RSU1: variants seen among roughly 807,000 people sequenced by gnomAD.
RSU1 encodes Ras suppressor protein 1.
RSU1 carries 26 observed loss-of-function variants against 31.1 expected under a neutral mutation model. The ratio of observed to expected loss-of-function variants is 0.84; its 90% CI spans 0.61 to 1.16. The LOEUF is 1.16. Ranked by LOEUF, RSU1 falls within the 50% of genes most tolerant of loss-of-function variation. RSU1 has a pLI of 0.00. For synonymous variants in RSU1, 164 were observed against 136.3 expected (o/e 1.20, Z -1.41); for missense variants, 320 against 339.1 (o/e 0.94, Z 0.44).
chr10:16,657,951 C>T (rs1834818947), intron 8 of RSU1, among the ~76,000 whole-genome samples: 1 of 152,104 alleles, frequency 6.6e-6, no homozygotes. Flanking sequence ...GATCACACGA[C>T]TGCACTCCAG....
At chr10:16,607,650 A>C (rs1833826572) in intron 8 of RSU1, among the ~76,000 whole-genome samples, 1 of 152,204 alleles carries the variant, frequency 6.6e-6, no homozygotes, top group Non-Finnish European at 1.5e-5. Flanking sequence ...CAGACCTCAC[A>C]AAGATAAAGC....
chr10:16,718,982 CAA>C lies in RSU1; in HGVS notation c.599-23829_599-23828del, dbSNP rs796946983. On this transcript the variant is annotated intron_variant, in intron 7 of 8. Coordinates refer to ENST00000345264, the MANE Select transcript of RSU1 (RefSeq NM_012425.4). ...GGCAACAGAGAGTGAAACTTCATCT[CAA>C]AAAAAAAAAAAAAAAATTATGTTGG... Among the ~76,000 whole-genome samples, 305 of 111,594 alleles carry C rather than the reference CAA, an allele frequency of 2.7e-3. 1 individual carries two copies. Among genetic ancestry groups the C allele is most frequent in the African/African-American group, 0.011 (288 of 27,146 alleles). 73.2% of individuals were successfully genotyped at this position (111,594 alleles called of 152,430 possible). A position where few individuals can be genotyped will look rare whatever the true frequency, so the allele number is the denominator to read the frequency against.
At chr10:16,777,339 G>T (rs1225181318) in intron 3 of RSU1, among the ~76,000 whole-genome samples, 1 of 151,774 alleles carries the variant, frequency 6.6e-6, no homozygotes, top group African/African-American at 2.4e-5. Context: ...TAAGGATATT[G>T]GAGGAAGAGA....
chr10:16,755,140 G>A, intron 4 of RSU1, 151 bp from the exon 5 acceptor site: 1 of 465,524 alleles, frequency 2.1e-6, no homozygotes, highest in Non-Finnish European at 3.8e-6. Flanking sequence ...TTATTTTTTT[G>A]AGACAGGGTC....
At chr10:16,658,269 T>C (rs757021733) in intron 8 of RSU1, among the ~76,000 whole-genome samples, 2 of 152,216 alleles carry the variant, frequency 1.3e-5, no homozygotes, top group African/African-American at 2.4e-5. Flanking sequence ...AGGTTCTCTT[T>C]TGAATTATCT....
rs146148286 is a variant in RSU1 at position 16,678,557 on chromosome 10, T to C, written c.731+16466A>G. ...TCTTCAAATGAATGAAAATAGGAGATAGTGTAGACAAAACCAGTTACAAAG... is the reference window on the plus strand; with the variant it reads ...TCTTCAAATGAATGAAAATAGGAGACAGTGTAGACAAAACCAGTTACAAAG... On this transcript the variant is annotated intron_variant, in intron 8 of 8. Transcript: ENST00000345264. 4.3e-3 allele frequency among the ~76,000 whole-genome samples: 653 copies of C among 152,324 alleles called. 3 individuals are homozygous for C. Among genetic ancestry groups the C allele is most frequent in the African/African-American group, 0.015 (625 of 41,574 alleles).
chr10:16,714,623 G>A (rs1424572194), intron 7 of RSU1, among the ~76,000 whole-genome samples: 1 of 152,106 alleles, frequency 6.6e-6, no homozygotes, highest in Non-Finnish European at 1.5e-5. Context: ...GATGTGGTGT[G>A]TCACTTGGGT....
chr10:16,816,738 C>T (rs1838541291), intron 2 of RSU1, among the ~76,000 whole-genome samples: 1 of 152,156 alleles, frequency 6.6e-6, no homozygotes, highest in Non-Finnish European at 1.5e-5. Context: ...CAGAGACAAC[C>T]GATGAGGCAC....
Position 16,817,022 on chromosome 10 carries a change from C to A in RSU1, c.60G>T (p.Val20=). 3 of 1,614,220 alleles carry A rather than the reference C, an allele frequency of 1.9e-6. No individual in the cohort carries two copies. Among genetic ancestry groups the A allele is most frequent in the Non-Finnish European group, 2.5e-6 (3 of 1,180,008 alleles). The part of the protein sequence containing the change: ...EESREKNQPE[V]DMSDRGISNM... ...TGGAGATGCCCCGGTCACTCATGTC[C>A]ACCTCGGGCTGGTTCTTCTCCCGGC... Residue 20 remains valine (V), a synonymous_variant, in exon 2 of 9, where the codon GTG becomes GTT. Coordinates refer to ENST00000345264, the MANE Select transcript of RSU1 (RefSeq NM_012425.4).
chr10:16,630,916 C>A (rs751352988), intron 8 of RSU1, among the ~76,000 whole-genome samples: 5 of 152,204 alleles, frequency 3.3e-5, no homozygotes, highest in Non-Finnish European at 5.9e-5. Context: ...ACTAATTAAC[C>A]ACTTCTCTAA....
chr10:16,815,302 A>T (rs1170654178), intron 2 of RSU1, among the ~76,000 whole-genome samples: 2 of 152,210 alleles, frequency 1.3e-5, no homozygotes, highest in Non-Finnish European at 2.9e-5. Flanking sequence ...ACGAAACGCA[A>T]ATCTACGTTT....
intron 7 of RSU1, among the ~76,000 whole-genome samples, chr10:16,728,964 C>T (rs1836450295): frequency 6.6e-6 from 1 of 152,204 alleles, no homozygotes; most frequent in Admixed American, 6.5e-5. Context: ...AGACTTCCGC[C>T]CTCCAGAAGC....
intron 3 of RSU1, among the ~76,000 whole-genome samples, chr10:16,773,069 G>A (rs1837454428): frequency 6.6e-6 from 1 of 152,000 alleles, no homozygotes; most frequent in South Asian, 2.1e-4. Context: ...GCATGGTGGT[G>A]CATGCCTGCA....
chr10:16,751,009 G>A (rs1169552871), intron 7 of RSU1, among the ~76,000 whole-genome samples: 1 of 151,874 alleles, frequency 6.6e-6, no homozygotes, highest in African/African-American at 2.4e-5. Context: ...GGGACTACAG[G>A]CATGCACCAC....
At chr10:16,596,163 G>C (rs1833608922) in intron 8 of RSU1, among the ~76,000 whole-genome samples, 1 of 152,102 alleles carries the variant, frequency 6.6e-6, no homozygotes, top group South Asian at 2.1e-4. Context: ...CCTTGTCTCT[G>C]TTGCTGCCCC....
chr10:16,763,531 C>T (rs1837250745), intron 4 of RSU1, among the ~76,000 whole-genome samples: 1 of 152,158 alleles, frequency 6.6e-6, no homozygotes, highest in Non-Finnish European at 1.5e-5. Flanking sequence ...GAGAGCTCCG[C>T]CCCCAGGATC....
At chr10:16,734,564 G>T (rs561738499) in intron 7 of RSU1, among the ~76,000 whole-genome samples, 6 of 152,164 alleles carry the variant, frequency 3.9e-5, no homozygotes, top group African/African-American at 1.4e-4. Context: ...ATATTGGGGG[G>T]GTTATCTCCA....
intron 3 of RSU1, among the ~76,000 whole-genome samples, chr10:16,781,060 C>A (rs1449289878): frequency 1.3e-5 from 2 of 152,206 alleles, no homozygotes; most frequent in Middle Eastern, 3.2e-3. Flanking sequence ...CACATAAATT[C>A]ATGACACAAA....
Position 16,682,491 on chromosome 10 carries a change from C to T in RSU1, c.731+12532G>A, listed in dbSNP as rs182856997. On this transcript the variant is annotated intron_variant, in intron 8 of 8. Coordinates refer to ENST00000345264, the MANE Select transcript of RSU1 (RefSeq NM_012425.4). ...GAAAATTAATCCTTTATCAGAAACC[C>T]TTGTAGCAGAACACATCTCTCCATG... 7.7e-3 allele frequency among the ~76,000 whole-genome samples: 1,165 copies of T among 150,876 alleles called. 12 individuals carry two copies. Among genetic ancestry groups the T allele is most frequent in the South Asian group, 0.024 (113 of 4,740 alleles).
Sources: allele counts gnomAD v4.1 joint callset (sites outside exome capture counted in the v4.1 genomes callset), GRCh38; gene constraint gnomAD v4.1.1; transcripts MANE v1.5; gene names NCBI Gene and HGNC (gene_info 2026-07-23, HGNC 2026-07-21).